Variants in AGBL5 observed in about 807,000 individuals in gnomAD.
AGBL5 encodes AGBL carboxypeptidase 5.
In AGBL5, 51 loss-of-function variants were observed where a neutral mutation model predicts 88.0. That is an observed-to-expected ratio of 0.58 (90% CI 0.46 to 0.73). The LOEUF is 0.73. Among genes scored for constraint, AGBL5 ranks in the 30% least tolerant of loss-of-function variants. The probability of loss-of-function intolerance (pLI) is 0.00; values close to 1 mark genes in which losing one functional copy is unlikely to be tolerated. For missense variants in AGBL5, 1,031 were observed against 1,162.2 expected (o/e 0.89, Z 1.64); for synonymous variants, 446 against 438.8 (o/e 1.02, Z -0.21).
At chr2:27,061,072 T>G (rs1012212367) in intron 11 of AGBL5, 1 of 152,168 alleles carries the variant, frequency 6.6e-6, no homozygotes, top group African/African-American at 2.4e-5. Flanking sequence ...TTCCTTTCCT[T>G]CTTTTTTTGA....
At position 27,059,234 on chromosome 2, in the gene AGBL5, G is replaced by A. The variant is rs145709465; in HGVS notation, c.1919G>A (p.Arg640Gln). 144 of 1,613,890 alleles carry A rather than the reference G, an allele frequency of 8.9e-5. No individual in the cohort carries two copies. Among genetic ancestry groups the A allele is most frequent in the Non-Finnish European group, 1.1e-4 (128 of 1,180,016 alleles). ...SCSENTLSRA[R>Q]SFSTGTSAGG... ...TCCGAAAACACCTTGAGTCGGGCAC[G>A]AAGTTTTAGCACCGGCACAAGTGCC... is the stretch of plus-strand genomic sequence containing the variant. The change falls in exon 11 of 15, where the codon CGA becomes CAA. Residue 640 changes from arginine to glutamine, a missense_variant. Arg to Gln is a conservative substitution (Grantham distance 43). Around this residue, in one of 2 missense-constraint regions of AGBL5, gnomAD observed 491 missense variants for 484.0 expected, o/e 1.01. Transcript: ENST00000360131.
At chr2:27,066,576 T>C (rs1668999806) in intron 11 of AGBL5, among the ~76,000 whole-genome samples, 2 of 152,150 alleles carry the variant, frequency 1.3e-5, no homozygotes, top group South Asian at 4.1e-4. Flanking sequence ...GAAGAACAGC[T>C]GGAAGAGAAG....
intron 11 of AGBL5, 183 bp downstream of exon 11, chr2:27,059,587 G>A (rs1414978303): frequency 7.1e-6 from 10 of 1,404,520 alleles, no homozygotes; most frequent in African/African-American, 2.9e-5. Flanking sequence ...ATTCCAGAGC[G>A]GTATTGTGTG....
chr2:27,068,138 C>T (rs532615647), intron 12 of AGBL5, among the ~76,000 whole-genome samples: 1 of 152,182 alleles, frequency 6.6e-6, no homozygotes, highest in Non-Finnish European at 1.5e-5. Context: ...GACTCTAGTC[C>T]AACATGTTCT....
chr2:27,068,014 C>G (rs1468302999), intron 12 of AGBL5, among the ~76,000 whole-genome samples: 3 of 152,224 alleles, frequency 2.0e-5, no homozygotes, highest in Admixed American at 6.5e-5. Context: ...ACGGTACTTT[C>G]TCCTGTCAAC....
intron 6 of AGBL5, 120 bp downstream of exon 6, chr2:27,055,373 G>T: frequency 7.5e-7 from 1 of 1,328,836 alleles, no homozygotes; most frequent in Non-Finnish European, 1.0e-6. Flanking sequence ...CCTAATAAAG[G>T]CAAGCCCATC....
rs777177403 is a variant in AGBL5, at chr2:27,059,306, C to G, written c.1991C>G (p.Ser664Cys). Residue 664 changes from serine to cysteine, a missense_variant, in exon 11 of 15, where the codon TCC (serine) becomes TGC (cysteine). Ser to Cys is a moderately radical substitution (Grantham distance 112). Transcript: ENST00000360131. ...CAAAATTCTCCACAGATGAAGAATT[C>G]CCCCAGCTTTCCTTTTCATGGCAGT... Reference protein sequence around the residue: ...SQQNSPQMKNSPSFPFHGSRP... With the variant: ...SQQNSPQMKNCPSFPFHGSRP... 6.2e-7 allele frequency: 1 copy of G among 1,614,112 alleles called. No individual in the cohort carries two copies. Among genetic ancestry groups the G allele is most frequent in the African/African-American group, 1.3e-5 (1 of 74,936 alleles).
chr2:27,069,314 T>C, intron 13 of AGBL5: 1 of 985,412 alleles, frequency 1.0e-6, no homozygotes, highest in Non-Finnish European at 1.2e-6. Context: ...CAGACCTTAG[T>C]CATGGTGTAG....
chr2:27,053,532 C>A lies in AGBL5; in HGVS notation c.346C>A (p.Arg116=). ...MAPFVRTLPT[R]PRWERIRDRP... The stretch of plus-strand genomic sequence containing the variant: ...CCCCTTTGTGCGCACACTGCCCACC[C>A]GGCCACGCTGGGAACGCATTCGAGA... The change falls in exon 3 of 15, where the codon CGG becomes AGG. Residue 116 remains arginine, a synonymous_variant. Coordinates refer to ENST00000360131, the MANE Select transcript of AGBL5 (RefSeq NM_021831.6). This position sits in a 1 kb window ranked among gnomAD's most constrained non-coding sequence, Gnocchi z 4.9. 6.2e-7 allele frequency: 1 copy of A among 1,613,994 alleles called. No individual in the cohort carries two copies. The highest frequency in any genetic ancestry group is 8.5e-7 in the Non-Finnish European group (1 of 1,180,000).
upstream of AGBL5, chr2:27,050,874 C>T (rs891168383): frequency 2.0e-5 from 3 of 152,114 alleles, no homozygotes; most frequent in African/African-American, 2.4e-5. Flanking sequence ...CGAAGGACTT[C>T]GTCTGTAATT....
At position 27,068,652 on chromosome 2, in the gene AGBL5, T is replaced by G. The variant is rs188519850; in HGVS notation, c.2263T>G (p.Ser755Ala). 1.9e-6 allele frequency: 3 copies of G among 1,614,086 alleles called. No homozygotes were observed. The East Asian group carries it at 6.7e-5, about 36-fold the overall frequency. ...NIPGSSCSLLSSGDKPEAVMV... is the reference protein window; with the variant it reads ...NIPGSSCSLLASGDKPEAVMV... ...CCTAGGGAGCAGTTGCTCACTCTTGTCCTCTGGAGACAAACCAGAGGCTGT... is the reference window on the plus strand; with the variant it reads ...CCTAGGGAGCAGTTGCTCACTCTTGGCCTCTGGAGACAAACCAGAGGCTGT... The change falls in exon 13 of 15, where the codon TCC (serine) becomes GCC (alanine). Residue 755 changes from serine (S) to alanine (A), a missense_variant. Ser to Ala is a moderately conservative substitution (Grantham distance 99, BLOSUM62 1). This residue lies in a region of AGBL5 where 491 missense variants were observed against 484.0 expected (regional missense o/e 1.01). Coordinates refer to ENST00000360131, the MANE Select transcript of AGBL5 (RefSeq NM_021831.6).
At chr2:27,069,800 C>T in intron 14 of AGBL5, 94 bp downstream of exon 14, 1 of 1,513,024 alleles carries the variant, frequency 6.6e-7, no homozygotes, top group South Asian at 1.3e-5. Context: ...CTTCCCTACT[C>T]CTTTTGAGCA....
chr2:27,054,648 T>C lies in AGBL5; in HGVS notation c.570T>C (p.Tyr190=). The C allele has an allele frequency of 6.2e-7, 1 of 1,614,006 alleles. No individual in the cohort carries two copies. The highest frequency in any genetic ancestry group is 2.2e-5 in the East Asian group (1 of 44,892). ...PTHSSPLDTI[Y]YHRELLCYSL... The stretch of plus-strand genomic sequence containing the variant: ...CCTGTAGCCCCCTGGATACCATCTA[T>C]TACCATCGGGAGCTCCTTTGCTATT... Residue 190 remains tyrosine, a synonymous_variant, in exon 5 of 15, where the codon TAT becomes TAC. Transcript: ENST00000360131.
Position 27,068,688 on chromosome 2 carries a change from G to A in AGBL5, c.2299G>A (p.Gly767Arg), listed in dbSNP as rs368224692. ...GDKPEAVMVIGKGLLGTGARM... is the reference protein window; with the variant it reads ...GDKPEAVMVIRKGLLGTGARM... ...CAAACCAGAGGCTGTCATGGTAATCGGGAAAGGTCTGCTAGGGACTGGAGC... is the reference window on the plus strand; with the variant it reads ...CAAACCAGAGGCTGTCATGGTAATCAGGAAAGGTCTGCTAGGGACTGGAGC... The change falls in exon 13 of 15, where the codon GGG becomes AGG. Residue 767 changes from glycine (G) to arginine (R), a missense_variant. Gly to Arg is a moderately radical substitution (Grantham distance 125, BLOSUM62 -2). Around this residue, in one of 2 missense-constraint regions of AGBL5, gnomAD observed 491 missense variants for 484.0 expected, o/e 1.01. Coordinates refer to ENST00000360131, the MANE Select transcript of AGBL5 (RefSeq NM_021831.6). 17 of 1,613,968 alleles carry A rather than the reference G, an allele frequency of 1.1e-5. No individual in the cohort carries two copies. In the East Asian group the frequency reaches 1.1e-4, roughly 11 times the overall value.
chr2:27,052,217 G>A (rs889829116), intron 1 of AGBL5: 2 of 152,488 alleles, frequency 1.3e-5, no homozygotes, highest in East Asian at 3.8e-4. Context: ...CTTACGGGGC[G>A]GAGGGGGATG....
rs139004379 is a variant in AGBL5, at chr2:27,063,866, C to G, written c.2090-3628C>G. Among the ~76,000 whole-genome samples, 240 of 152,304 alleles carry G rather than the reference C, an allele frequency of 1.6e-3. 1 individual carries two copies. Among genetic ancestry groups the G allele is most frequent in the African/African-American group, 5.4e-3 (225 of 41,572 alleles). On this transcript the variant is annotated intron_variant, in intron 11 of 14. Transcript: ENST00000360131. ...TTTGCCCAGTACTATCCTACCACCC[C>G]CAAAATGGAACATCTGGCTGGTTGC...
Position 27,053,498 on chromosome 2 carries a change from G to A in AGBL5, c.312G>A (p.Gln104=). The A allele has an allele frequency of 6.2e-7, 1 of 1,614,140 alleles. No homozygotes were observed. Among genetic ancestry groups the A allele is most frequent in the South Asian group, 1.1e-5 (1 of 91,088 alleles). Residue 104 remains glutamine, a synonymous_variant, in exon 3 of 15, where the codon CAG becomes CAA. Coordinates refer to ENST00000360131, the MANE Select transcript of AGBL5 (RefSeq NM_021831.6). This position sits in a 1 kb window ranked among gnomAD's most constrained non-coding sequence, Gnocchi z 4.9. ...NMNKQSKLYS[Q]GMAPFVRTLP... Reference sequence around the variant, plus strand: ...ACAAGCAGAGCAAGCTGTATTCCCAGGGCATGGCCCCCTTTGTGCGCACAC... The same window carrying A: ...ACAAGCAGAGCAAGCTGTATTCCCAAGGCATGGCCCCCTTTGTGCGCACAC...
At position 27,055,984 on chromosome 2, in the gene AGBL5, T is replaced by C. The variant is rs1333960644; in HGVS notation, c.1211T>C (p.Ile404Thr). The change falls in exon 7 of 15, where the codon ATT becomes ACT. Residue 404 changes from isoleucine to threonine, a missense_variant. By Grantham distance (89) the Ile-to-Thr change is moderately conservative. Around this residue, in one of 2 missense-constraint regions of AGBL5, gnomAD observed 540 missense variants for 678.2 expected, o/e 0.80. Transcript: ENST00000360131. ...GAACAGAAGCTCAACAGTGTGTGGA[T>C]TATGCCACAACAGTCTGCGGGGCTT... Reference protein sequence around the residue: ...PAEQKLNSVWIMPQQSAGLEE... With the variant: ...PAEQKLNSVWTMPQQSAGLEE... 1.2e-6 allele frequency: 2 copies of C among 1,614,192 alleles called. No individual in the cohort carries two copies. Among genetic ancestry groups the C allele is most frequent in the Non-Finnish European group, 8.5e-7 (1 of 1,180,040 alleles).
At chr2:27,059,552 C>T (rs1158486354) in intron 11 of AGBL5, 148 bp downstream of exon 11, 22 of 1,507,894 alleles carry the variant, frequency 1.5e-5, no homozygotes, top group Non-Finnish European at 1.7e-5. Flanking sequence ...GCCTCTCCTA[C>T]GACCTTGGTG....
Sources: allele counts gnomAD v4.1 joint callset (sites outside exome capture counted in the v4.1 genomes callset), GRCh38; gene constraint gnomAD v4.1.1; regional missense constraint gnomAD v4.1.1; non-coding constraint Gnocchi (gnomAD v3.1); transcripts MANE v1.5; gene names NCBI Gene and HGNC (gene_info 2026-07-23, HGNC 2026-07-21).